Variants in CCDC42 observed in about 807,000 individuals in gnomAD.
CCDC42 encodes the protein coiled-coil domain-containing protein 42.
In CCDC42, 38 loss-of-function variants were observed where a neutral mutation model predicts 40.8. The observed-to-expected ratio is 0.93, with a 90% CI of 0.72 to 1.22. The LOEUF (loss-of-function observed/expected upper bound fraction) is 1.22. Ranked by LOEUF, CCDC42 falls within the 50% of genes most tolerant of loss-of-function variation. The probability of loss-of-function intolerance (pLI) is 0.00; values close to 1 mark genes in which losing one functional copy is unlikely to be tolerated. For synonymous variants in CCDC42, 135 were observed against 157.5 expected (o/e 0.86, Z 1.07); for missense variants, 379 against 416.5 (o/e 0.91, Z 0.78).
chr17:8,744,544 C>A lies in CCDC42; in HGVS notation c.66G>T (p.Arg22=), dbSNP rs1390460527. 2.5e-6 allele frequency: 4 copies of A among 1,612,014 alleles called. No homozygotes were observed. The East Asian group carries it at 8.9e-5, about 36-fold the overall frequency. The change falls in exon 1 of 7, where the codon CGG becomes CGT. Residue 22 remains arginine (R), a synonymous_variant. Transcript: ENST00000293845. ...ACACTCACTGGAGCATCTGCAGCAG[C>A]CGCTCCCCATACTGCAGCCGGAAGT... is the stretch of plus-strand genomic sequence containing the variant. ...AEYFRLQYGE[R]LLQMLQKLPN...
chr17:8,740,381 G>A (rs1597346059), intron 4 of CCDC42, among the ~76,000 whole-genome samples: 1 of 151,820 alleles, frequency 6.6e-6, no homozygotes, highest in Admixed American at 6.6e-5. Flanking sequence ...CCAGCTACTC[G>A]GGAGGCTGAG....
chr17:8,744,625 AC>A lies in CCDC42; in HGVS notation c.-17del. ...CCAGACTCATGGTGGCAGTGACCTC[AC>A]GGCCCAGGCAGCTGACTCTTCACAG... On this transcript the variant is annotated 5_prime_UTR_variant, in exon 1 of 7. Coordinates refer to ENST00000293845, the MANE Select transcript of CCDC42 (RefSeq NM_144681.3). 1 of 1,595,086 alleles carries A rather than the reference AC, an allele frequency of 6.3e-7. No individual in the cohort carries two copies. The highest frequency in any genetic ancestry group is 8.6e-7 in the Non-Finnish European group (1 of 1,165,242).
chr17:8,730,895 C>T (rs115462076), intron 6 of CCDC42, among the ~76,000 whole-genome samples: 244 of 152,320 alleles, frequency 1.6e-3, no homozygotes, highest in Middle Eastern at 3.4e-3. Context: ...CCGCCTTCCA[C>T]AACTTCACCG....
At chr17:8,730,927 C>T (rs1272742297) in intron 6 of CCDC42, among the ~76,000 whole-genome samples, 1 of 152,150 alleles carries the variant, frequency 6.6e-6, no homozygotes, top group East Asian at 1.9e-4. Flanking sequence ...GTCGTGCATT[C>T]GAAACCCAGA....
chr17:8,738,152 ATTTGATG>A (rs967157891), intron 4 of CCDC42, among the ~76,000 whole-genome samples: 15 of 152,254 alleles, frequency 9.9e-5, no homozygotes, highest in Admixed American at 5.9e-4. Context: ...TGATACTGAT[ATTTGATG>A]TTAAGGAATT....
At chr17:8,740,489 C>CAAAAAA (rs750740758) in intron 4 of CCDC42, among the ~76,000 whole-genome samples, 4 of 58,792 alleles carry the variant, frequency 6.8e-5, no homozygotes, top group African/African-American at 2.7e-4. Context: ...AACTCCGTCT[C>CAAAAAA]AAAAAAAAAA....
intron 4 of CCDC42, among the ~76,000 whole-genome samples, chr17:8,739,478 T>A (rs1165106094): frequency 6.6e-6 from 1 of 152,132 alleles, no homozygotes; most frequent in East Asian, 1.9e-4. Context: ...GACAGGCCAA[T>A]TTCCTCCATT....
intron 2 of CCDC42, 96 bp downstream of exon 2, chr17:8,743,983 C>G: frequency 1.0e-6 from 1 of 959,538 alleles, no homozygotes; most frequent in Non-Finnish European, 1.6e-6. Flanking sequence ...CTAGCCACCC[C>G]ACTCAGACAA....
Position 8,738,666 on chromosome 17 carries a change from G to C in CCDC42, c.492+2808C>G, listed in dbSNP as rs547074141. ...TTTTTAGTAGAGACAGGGTTTCACC[G>C]TGTTGGCCAGGGTGGTCTCGAACTC... On this transcript the variant is annotated intron_variant, in intron 4 of 6. Coordinates refer to ENST00000293845, the MANE Select transcript of CCDC42 (RefSeq NM_144681.3). 4.6e-5 allele frequency among the ~76,000 whole-genome samples: 7 copies of C among 152,138 alleles called. No homozygotes were observed. In the East Asian group the frequency reaches 1.4e-3, roughly 29 times the overall value.
chr17:8,732,058 T>A (rs1324381315), intron 6 of CCDC42, among the ~76,000 whole-genome samples: 1 of 151,870 alleles, frequency 6.6e-6, no homozygotes, highest in Non-Finnish European at 1.5e-5. Flanking sequence ...CCCAGCACTT[T>A]GGGAGGCCGA....
chr17:8,731,034 G>A (rs781167614), intron 6 of CCDC42, among the ~76,000 whole-genome samples: 3 of 152,160 alleles, frequency 2.0e-5, no homozygotes, highest in Admixed American at 2.0e-4. Flanking sequence ...AGCATGACAC[G>A]GAAGTCATGC....
intron 6 of CCDC42, among the ~76,000 whole-genome samples, chr17:8,732,127 C>T (rs1175244961): frequency 6.6e-6 from 1 of 151,988 alleles, no homozygotes; most frequent in Non-Finnish European, 1.5e-5. Context: ...GGTGAAACCC[C>T]GTCTCTACTA....
chr17:8,733,645 C>G (rs1262755577), intron 6 of CCDC42, among the ~76,000 whole-genome samples: 2 of 152,162 alleles, frequency 1.3e-5, no homozygotes, highest in Non-Finnish European at 2.9e-5. Flanking sequence ...TGCCTGCCAC[C>G]ATGCCCGGCT....
intron 4 of CCDC42, 68 bp downstream of exon 4, chr17:8,741,406 A>T: frequency 6.8e-7 from 1 of 1,467,742 alleles, no homozygotes. Flanking sequence ...CCATGGCCCC[A>T]GGCCCCGGGG....
At chr17:8,739,895 GC>G (rs149149374) in intron 4 of CCDC42, among the ~76,000 whole-genome samples, 3 of 151,920 alleles carry the variant, frequency 2.0e-5, no homozygotes, top group East Asian at 1.9e-4. Flanking sequence ...CTTACTTCCT[GC>G]CCCCCCAACA....
chr17:8,735,074 A>C lies in CCDC42; in HGVS notation c.873+22T>G. The C allele has an allele frequency of 1.2e-6, 2 of 1,613,596 alleles. No individual in the cohort carries two copies. Among genetic ancestry groups the C allele is most frequent in the Non-Finnish European group, 1.7e-6 (2 of 1,179,718 alleles). Reference sequence around the variant, plus strand: ...TCGGCCCAGCCGACCCCACGGGCCCAGTGCCTGTCCCCTCCTCCTACCATG... The same window carrying C: ...TCGGCCCAGCCGACCCCACGGGCCCCGTGCCTGTCCCCTCCTCCTACCATG... On this transcript the variant is annotated intron_variant, in intron 6 of 6. Coordinates refer to ENST00000293845, the MANE Select transcript of CCDC42 (RefSeq NM_144681.3). The surrounding 1 kb of genome is among the most constrained non-coding windows in gnomAD (Gnocchi z 4.7).
chr17:8,730,268 T>C (rs943387052), intron 6 of CCDC42, 61 bp from the exon 7 acceptor site: 19 of 1,146,498 alleles, frequency 1.7e-5, no homozygotes, highest in Middle Eastern at 2.0e-4. Flanking sequence ...TGTCCCAAGA[T>C]GGAGCATCCC....
At chr17:8,734,972 A>G (rs781370043) in intron 6 of CCDC42, 124 bp downstream of exon 6, 25 of 984,996 alleles carry the variant, frequency 2.5e-5, no homozygotes, top group Non-Finnish European at 3.5e-5. Flanking sequence ...GGTGATCCTG[A>G]TGTTGTTAAA....
At position 8,729,980 on chromosome 17, in the gene CCDC42, G is replaced by C. The variant is rs887628963; in HGVS notation, c.*150C>G. The C allele has an allele frequency of 2.9e-6, 2 of 683,582 alleles. No individual in the cohort carries two copies. The highest frequency in any genetic ancestry group is 5.3e-6 in the Non-Finnish European group (2 of 380,188). 42.3% of individuals were successfully genotyped at this position (683,582 alleles called of 1,614,324 possible). ...ATAACATTCACTGTTTTCAGGGATAGAGTGAGGCCCACGGGGGAAAATAAG... is the reference window on the plus strand; with the variant it reads ...ATAACATTCACTGTTTTCAGGGATACAGTGAGGCCCACGGGGGAAAATAAG... On this transcript the variant is annotated 3_prime_UTR_variant, in exon 7 of 7. Transcript: ENST00000293845.
Sources: allele counts gnomAD v4.1 joint callset (sites outside exome capture counted in the v4.1 genomes callset), GRCh38; gene constraint gnomAD v4.1.1; non-coding constraint Gnocchi (gnomAD v3.1); transcripts MANE v1.5; gene names NCBI Gene and HGNC (gene_info 2026-07-23, HGNC 2026-07-21).